PROX2: variants seen among roughly 807,000 people sequenced by gnomAD.
The protein encoded by PROX2 is prospero homeobox protein 2.
A neutral mutation model predicts 48.9 loss-of-function variants in PROX2; 46 were observed. The ratio of observed to expected loss-of-function variants is 0.94; its 90% CI spans 0.74 to 1.20. The LOEUF (loss-of-function observed/expected upper bound fraction) is 1.20, where lower values mean the gene tolerates loss of function less well. Ranked by LOEUF, PROX2 falls within the 50% of genes most tolerant of loss-of-function variation. PROX2 has a pLI of 0.00. For synonymous variants in PROX2, 260 were observed against 276.6 expected, an observed-to-expected ratio of 0.94 and a Z score of 0.60; for missense variants, 663 against 719.4, an observed-to-expected ratio of 0.92 and a Z score of 0.90.
intron 1 of PROX2, among the ~76,000 whole-genome samples, 189 bp downstream of exon 1, chr14:74,875,706 G>A (rs1335290365): frequency 6.6e-6 from 1 of 152,164 alleles, no homozygotes; most frequent in African/African-American, 2.4e-5. Flanking sequence ...TAATTTGCCT[G>A]AAAGTATTTC....
Position 74,855,276 on chromosome 14 carries a change from G to A in PROX2, c.1635C>T (p.Ala545=). ...TGAAGAACTCCTGTAACGTCAAGCTGGCAATTTCCAAGAAGCAATCTGGAA... is the reference window on the plus strand; with the variant it reads ...TGAAGAACTCCTGTAACGTCAAGCTAGCAATTTCCAAGAAGCAATCTGGAA... The part of the protein sequence containing the change: ...FEVPDCFLEI[A]SLTLQEFFRA... Residue 545 remains alanine (A), a synonymous_variant, in exon 6 of 6, where the codon GCC becomes GCT. Coordinates refer to ENST00000556489, the MANE Select transcript of PROX2 (RefSeq NM_001243007.2). 1 of 1,557,368 alleles carries A rather than the reference G, an allele frequency of 6.4e-7. No homozygotes were observed. Among genetic ancestry groups the A allele is most frequent in the South Asian group, 1.2e-5 (1 of 82,998 alleles).
In PROX2 at chr14:74,855,320, C is replaced by T. The variant is rs1158031868; in HGVS notation, c.1609-18G>A. On this transcript the variant is annotated intron_variant, in intron 5 of 5. Transcript: ENST00000556489. ...TCTGGAACCTGCATTTCCAAAGAGA[C>T]CCACAAGAAAGAAAAGACGTGAGGT... The T allele has an allele frequency of 2.0e-6, 3 of 1,522,242 alleles. No individual in the cohort carries two copies. Among genetic ancestry groups the T allele is most frequent in the South Asian group, 1.3e-5 (1 of 76,180 alleles). The allele number at this position is 1,522,242 out of a possible 1,614,324, so 94.3% of individuals were successfully genotyped here.
At position 74,855,125 on chromosome 14, in the gene PROX2, G is replaced by A. The variant is rs751506425; in HGVS notation, c.*7C>T. On this transcript the variant is annotated 3_prime_UTR_variant, in exon 6 of 6. Coordinates refer to ENST00000556489, the MANE Select transcript of PROX2 (RefSeq NM_001243007.2). The stretch of plus-strand genomic sequence containing the variant: ...CCTCACGTTGTGGGATCTTAACCCC[G>A]AAACAGCTACTGGGGATAGCTGGAA... The A allele has an allele frequency of 2.8e-5, 43 of 1,532,008 alleles. No individual in the cohort carries two copies. In the Admixed American group the frequency reaches 3.9e-4, roughly 14 times the overall value. The allele number at this position is 1,532,008 out of a possible 1,614,324, so 94.9% of individuals were successfully genotyped here.
intron 1 of PROX2, chr14:74,874,115 G>A (rs4903262): frequency 0.49 from 256,315 of 522,530 alleles, 64,495 homozygotes; most frequent in South Asian, 0.59. Flanking sequence ...TCTAAAGACC[G>A]CTTTGGAAAT....
chr14:74,863,781 T>C lies in PROX2; in HGVS notation c.54A>G (p.Leu18=). ...LSPQPQICSH[L]AEACTEGERS... The stretch of plus-strand genomic sequence containing the variant: ...TCTCGCCTTCCGTACAAGCTTCTGC[T>C]AGGTGGGAGCAGATCTGGGGCTGAG... Residue 18 remains leucine (L), a synonymous_variant, in exon 3 of 6, where the codon CTA becomes CTG. Coordinates refer to ENST00000556489, the MANE Select transcript of PROX2 (RefSeq NM_001243007.2). 6.6e-7 allele frequency: 1 copy of C among 1,524,532 alleles called. No individual in the cohort carries two copies. Among genetic ancestry groups the C allele is most frequent in the Non-Finnish European group, 8.8e-7 (1 of 1,140,570 alleles). 94.4% of individuals were successfully genotyped at this position (1,524,532 alleles called of 1,614,324 possible).
intron 1 of PROX2, among the ~76,000 whole-genome samples, chr14:74,874,769 A>G (rs1469781677): frequency 6.6e-6 from 1 of 152,238 alleles, no homozygotes; most frequent in Non-Finnish European, 1.5e-5. Flanking sequence ...AAATAAGTAT[A>G]CAAAAGACTA....
At position 74,855,135 on chromosome 14, in the gene PROX2, C is replaced by T; in HGVS notation, c.1776G>A (p.Gln592=). 1 of 1,552,616 alleles carries T rather than the reference C, an allele frequency of 6.4e-7. No individual in the cohort carries two copies. The highest frequency in any genetic ancestry group is 8.8e-7 in the Non-Finnish European group (1 of 1,138,876). ...TGGGATCTTAACCCCGAAACAGCTA[C>T]TGGGGATAGCTGGAAGATTTGAATA... ...PEIFKSSSYP[Q] is the part of the protein sequence containing the mutation. The change falls in exon 6 of 6, where the codon CAG becomes CAA. Residue 592 remains glutamine (Q), a synonymous_variant. Coordinates refer to ENST00000556489, the MANE Select transcript of PROX2 (RefSeq NM_001243007.2).
Position 74,863,795 on chromosome 14 carries a change from T to A in PROX2, c.40A>T (p.Ile14Phe), listed in dbSNP as rs376608651. The change falls in exon 3 of 6, where the codon ATC (isoleucine) becomes TTC (phenylalanine). Residue 14 changes from isoleucine to phenylalanine, a missense_variant. By Grantham distance (21) the Ile-to-Phe change is conservative (BLOSUM62 0). Coordinates refer to ENST00000556489, the MANE Select transcript of PROX2 (RefSeq NM_001243007.2). ...CAAGCTTCTGCTAGGTGGGAGCAGA[T>A]CTGGGGCTGAGGAGAAAGCAAGATG... ...NSILLSPQPQ[I>F]CSHLAEACTE... is the part of the protein sequence containing the mutation. 43 of 1,517,946 alleles carry A rather than the reference T, an allele frequency of 2.8e-5. No homozygotes were observed. Among genetic ancestry groups the A allele is most frequent in the Non-Finnish European group, 3.5e-5 (40 of 1,137,316 alleles). 94.0% of individuals were successfully genotyped at this position (1,517,946 alleles called of 1,614,324 possible).
At chr14:74,858,841 A>AG (rs2091770934) in intron 3 of PROX2, 5 of 133,894 alleles carry the variant, frequency 3.7e-5, no homozygotes, top group African/African-American at 2.3e-4. Context: ...AGGTTGGTGT[A>AG]TTGTGTGTGT....
Position 74,854,183 on chromosome 14 carries a change from A to T in PROX2, c.*949T>A. The stretch of plus-strand genomic sequence containing the variant: ...AAGTTCAGCTTCTTCTGCATATATG[A>T]GGTTGGGGCACCAATTGCAATGGTC... On this transcript the variant is annotated 3_prime_UTR_variant, in exon 6 of 6. Coordinates refer to ENST00000556489, the MANE Select transcript of PROX2 (RefSeq NM_001243007.2). 2.4e-6 allele frequency: 1 copy of T among 421,074 alleles called. No homozygotes were observed. The highest frequency in any genetic ancestry group is 4.8e-6 in the Non-Finnish European group (1 of 208,718). The allele number at this position is 421,074 out of a possible 1,614,324, so 26.1% of individuals were successfully genotyped here. A position where few individuals can be genotyped will look rare whatever the true frequency, so the allele number is the denominator to read the frequency against.
chr14:74,857,737 T>TA (rs1359510236), intron 4 of PROX2: 1 of 151,694 alleles, frequency 6.6e-6, no homozygotes, highest in East Asian at 1.9e-4. Context: ...TCTATATATA[T>TA]TTTTTGTTGT....
chr14:74,864,206 G>A (rs549840344), intron 2 of PROX2, among the ~76,000 whole-genome samples, 198 bp from the exon 3 acceptor site: 89 of 152,194 alleles, frequency 5.8e-4, no homozygotes, highest in African/African-American at 2.1e-3. Flanking sequence ...CCACTTTGAG[G>A]AGACTCCGAG....
chr14:74,873,714 A>G, intron 1 of PROX2: 1 of 456,246 alleles, frequency 2.2e-6, no homozygotes. Flanking sequence ...GGAACTAGAG[A>G]GTCACCTGCA....
Position 74,854,820 on chromosome 14 carries a change from A to C in PROX2, c.*312T>G. 1 of 206,096 alleles carries C rather than the reference A, an allele frequency of 4.9e-6. No homozygotes were observed. Among genetic ancestry groups the C allele is most frequent in the Non-Finnish European group, 9.6e-6 (1 of 104,376 alleles). The allele number at this position is 206,096 out of a possible 1,614,324, so 12.8% of individuals were successfully genotyped here. A position where few individuals can be genotyped will look rare whatever the true frequency, so the allele number is the denominator to read the frequency against. On this transcript the variant is annotated 3_prime_UTR_variant, in exon 6 of 6. Transcript: ENST00000556489. ...TAACAACCTCATTTTACAGATACAG[A>C]GATACCAGGAAGTTCCCAGGGTCAC...
chr14:74,855,162 C>A lies in PROX2; in HGVS notation c.1749G>T (p.Glu583Asp). 6.3e-7 allele frequency: 1 copy of A among 1,583,084 alleles called. No homozygotes were observed. Among genetic ancestry groups the A allele is most frequent in the Non-Finnish European group, 8.6e-7 (1 of 1,159,406 alleles). Reference sequence around the variant, plus strand: ...GGGGATAGCTGGAAGATTTGAATATCTCTGGGATGTCACTGTCCAGTTTCG... The same window carrying A: ...GGGGATAGCTGGAAGATTTGAATATATCTGGGATGTCACTGTCCAGTTTCG... ...IISKLDSDIP[E>D]IFKSSSYPQ The change falls in exon 6 of 6, where the codon GAG (glutamate) becomes GAT (aspartate). Residue 583 changes from glutamate to aspartate, a missense_variant. Physicochemically the swap from Glu to Asp is conservative, Grantham distance 45 (BLOSUM62 2). Transcript: ENST00000556489.
At chr14:74,856,709 A>T in intron 5 of PROX2, 92 bp downstream of exon 5, 1 of 1,145,152 alleles carries the variant, frequency 8.7e-7, no homozygotes, top group South Asian at 1.5e-5. Flanking sequence ...TCAGTAACTT[A>T]AGGAGACACA....
rs141359648 is a variant in PROX2, at chr14:74,855,099, T to C, written c.*33A>G. On this transcript the variant is annotated 3_prime_UTR_variant, in exon 6 of 6. Coordinates refer to ENST00000556489, the MANE Select transcript of PROX2 (RefSeq NM_001243007.2). ...AACCCAGGAAACCCTAGCCAGTCAC[T>C]CCTCACGTTGTGGGATCTTAACCCC... The C allele has an allele frequency of 4.8e-6, 7 of 1,445,568 alleles. No individual in the cohort carries two copies. Among genetic ancestry groups the C allele is most frequent in the Non-Finnish European group, 6.5e-6 (7 of 1,079,986 alleles). The allele number at this position is 1,445,568 out of a possible 1,614,324, so 89.5% of individuals were successfully genotyped here.
intron 2 of PROX2, 84 bp from the exon 3 acceptor site, chr14:74,864,092 T>C: frequency 3.4e-6 from 1 of 296,560 alleles, no homozygotes; most frequent in Non-Finnish European, 6.2e-6. Flanking sequence ...TTCAACGCGG[T>C]CTCGTTAAAG....
At chr14:74,861,081 C>T (rs1364495781) in intron 3 of PROX2, 9 of 549,188 alleles carry the variant, frequency 1.6e-5, no homozygotes, top group Non-Finnish European at 2.9e-5. Context: ...GTTTCCAACA[C>T]TTTTGACCGG....
Sources: allele counts gnomAD v4.1 joint callset (sites outside exome capture counted in the v4.1 genomes callset), GRCh38; gene constraint gnomAD v4.1.1; transcripts MANE v1.5; gene names NCBI Gene and HGNC (gene_info 2026-07-23, HGNC 2026-07-21).